Variants in NUDC observed in about 807,000 individuals in gnomAD.
NUDC encodes nuclear migration protein nudC.
NUDC carries 14 observed loss-of-function variants against 45.0 expected under a neutral mutation model. The ratio of observed to expected loss-of-function variants is 0.31; its 90% confidence interval spans 0.21 to 0.49. The LOEUF (loss-of-function observed/expected upper bound fraction) is 0.49, where lower values mean the gene tolerates loss of function less well. Among genes scored for constraint, NUDC ranks in the 20% least tolerant of loss-of-function variants. NUDC has a pLI of 0.99. For missense variants in NUDC, 323 were observed against 426.2 expected (o/e 0.76, Z 2.13); for synonymous variants, 153 against 156.7 (o/e 0.98, Z 0.17).
At chr1:26,935,227 G>T (rs1193190528) in intron 2 of NUDC, among the ~76,000 whole-genome samples, 2 of 148,502 alleles carry the variant, frequency 1.3e-5, no homozygotes, top group African/African-American at 5.0e-5. Flanking sequence ...GGTGTTCCGT[G>T]CCCCCTTGGC....
At chr1:26,908,437 C>T (rs904113648) in intron 2 of NUDC, among the ~76,000 whole-genome samples, 1 of 152,128 alleles carries the variant, frequency 6.6e-6, no homozygotes, top group Non-Finnish European at 1.5e-5. Context: ...TTGCTCAAGG[C>T]AAGGAAATAG....
chr1:26,918,306 G>A (rs1419245440), upstream of NUDC, among the ~76,000 whole-genome samples: 1 of 145,644 alleles, frequency 6.9e-6, no homozygotes, highest in African/African-American at 2.5e-5. Flanking sequence ...TTTTGAGACG[G>A]AGTCTCACTG....
chr1:26,909,284 T>C (rs1208675669), intron 2 of NUDC, among the ~76,000 whole-genome samples: 1 of 152,046 alleles, frequency 6.6e-6, no homozygotes, highest in Non-Finnish European at 1.5e-5. Flanking sequence ...CCCTAGCTAA[T>C]TTTATAATTT....
chr1:26,934,292 C>T (rs7545442), intron 2 of NUDC, among the ~76,000 whole-genome samples: 16,143 of 152,144 alleles, frequency 0.11, 1,159 homozygotes, highest in African/African-American at 0.21. Context: ...AAATGCCAGA[C>T]GCTAATAAAA....
In NUDC at chr1:26,900,519, A is replaced by C. The variant is rs1258925833; in HGVS notation, c.-101+119A>C. 5.6e-6 allele frequency: 7 copies of C among 1,251,326 alleles called. No individual in the cohort carries two copies. The East Asian group carries it at 1.7e-4, about 30-fold the overall frequency. 77.5% of individuals were successfully genotyped at this position (1,251,326 alleles called of 1,614,324 possible). On this transcript the variant is annotated intron_variant, in intron 1 of 6. Transcript: ENST00000435827. ...GCAACGTTCCAGCCCCTGCGTTGCG[A>C]GATTGTGAAAATTCTAACTAGTCCT...
intron 1 of NUDC, among the ~76,000 whole-genome samples, chr1:26,901,745 G>A (rs891272807): frequency 4.6e-5 from 7 of 152,082 alleles, no homozygotes; most frequent in African/African-American, 1.7e-4. Flanking sequence ...GATTACTATT[G>A]ATTCATTGAT....
At chr1:26,901,509 A>G (rs2081978811) in intron 1 of NUDC, among the ~76,000 whole-genome samples, 1 of 150,214 alleles carries the variant, frequency 6.7e-6, no homozygotes, top group Non-Finnish European at 1.5e-5. Flanking sequence ...GGTTCAAGCA[A>G]TTCTCCTGTC....
intron 3 of NUDC, chr1:26,911,542 A>AGTTCT (rs2082026436): frequency 2.8e-5 from 12 of 422,368 alleles, no homozygotes; most frequent in Non-Finnish European, 5.3e-5. Context: ...TTCTGTATAA[A>AGTTCT]GTCGATAGGA....
intron 2 of NUDC, among the ~76,000 whole-genome samples, chr1:26,932,598 C>G (rs1230579863): frequency 6.6e-6 from 1 of 152,064 alleles, no homozygotes; most frequent in East Asian, 1.9e-4. Flanking sequence ...TCTAGGATAA[C>G]AGATGTGAGC....
In NUDC at chr1:26,914,877, G is replaced by C. The variant is rs145696809; in HGVS notation, c.93+3642G>C. On this transcript the variant is annotated intron_variant, in intron 3 of 6. Coordinates refer to the NUDC transcript ENST00000435827. ...AGCTACTCTAGAGGCTAAGGCAAAAGAATCACTCGAAACTGGGAGGCAGAG... is the reference window on the plus strand; with the variant it reads ...AGCTACTCTAGAGGCTAAGGCAAAACAATCACTCGAAACTGGGAGGCAGAG... Among the ~76,000 whole-genome samples, 271 of 151,988 alleles carry C rather than the reference G, an allele frequency of 1.8e-3. 2 individuals carry two copies. The East Asian group carries it at 0.037, about 21-fold the overall frequency.
chr1:26,943,171 T>A, intron 6 of NUDC, 106 bp downstream of exon 6: 12 of 1,122,958 alleles, frequency 1.1e-5, no homozygotes, highest in Non-Finnish European at 1.4e-5. Flanking sequence ...TGGGATTATC[T>A]TAATCCCCAT....
rs377607226 is a variant in NUDC, at chr1:26,923,943, T to C, written c.82-146T>C. On this transcript the variant is annotated intron_variant, in intron 1 of 8. Coordinates refer to ENST00000321265, the MANE Select transcript of NUDC (RefSeq NM_006600.4). ...GGTGGAAGTGACTAAGAGAACCTGCTGGGGAGATAATCTCCTCAGTTGGGA... is the reference window on the plus strand; with the variant it reads ...GGTGGAAGTGACTAAGAGAACCTGCCGGGGAGATAATCTCCTCAGTTGGGA... 1.4e-5 allele frequency: 10 copies of C among 728,130 alleles called. No individual in the cohort carries two copies. In the African/African-American group the frequency reaches 1.4e-4, roughly 10 times the overall value. 45.1% of individuals were successfully genotyped at this position (728,130 alleles called of 1,614,324 possible).
At chr1:26,928,861 C>T (rs908750325) in intron 2 of NUDC, among the ~76,000 whole-genome samples, 15 of 152,160 alleles carry the variant, frequency 9.9e-5, no homozygotes, top group Non-Finnish European at 2.2e-4. Context: ...AACGTTATGG[C>T]GGTTTCTCAG....
chr1:26,920,333 C>CA (rs1034366018), upstream of NUDC, among the ~76,000 whole-genome samples: 18 of 150,890 alleles, frequency 1.2e-4, no homozygotes, highest in South Asian at 4.2e-4. Context: ...ACTAAAAATA[C>CA]AAAAAAAAAT....
At chr1:26,935,493 G>A (rs1217475011) in intron 2 of NUDC, among the ~76,000 whole-genome samples, 1 of 152,046 alleles carries the variant, frequency 6.6e-6, no homozygotes, top group East Asian at 1.9e-4. Flanking sequence ...TGGCAGGAAG[G>A]AGAAGTGCCA....
intron 2 of NUDC, among the ~76,000 whole-genome samples, chr1:26,902,782 C>T (rs534640540): frequency 4.6e-5 from 7 of 151,982 alleles, no homozygotes; most frequent in South Asian, 2.1e-4. Flanking sequence ...GGCGCAGTGG[C>T]TAATGCCTGT....
chr1:26,901,893 G>C (rs1229807387), intron 1 of NUDC, among the ~76,000 whole-genome samples: 1 of 152,094 alleles, frequency 6.6e-6, no homozygotes, highest in East Asian at 1.9e-4. Flanking sequence ...TGGCAAGCTG[G>C]TGTAGGAGGA....
At chr1:26,921,733 C>T (rs1341446022), upstream of NUDC, 13 of 1,166,596 alleles carry the variant, frequency 1.1e-5, no homozygotes, top group Admixed American at 2.0e-4. Flanking sequence ...TGCGTGTTTC[C>T]GGCTCCGCTG....
intron 2 of NUDC, among the ~76,000 whole-genome samples, chr1:26,908,024 C>T (rs904169636): frequency 6.6e-6 from 1 of 152,082 alleles, no homozygotes; most frequent in African/African-American, 2.4e-5. Context: ...ACTAAAAATA[C>T]AAAAATTAGC....
Sources: allele counts gnomAD v4.1 joint callset (sites outside exome capture counted in the v4.1 genomes callset), GRCh38; gene constraint gnomAD v4.1.1; transcripts MANE v1.5; gene names NCBI Gene and HGNC (gene_info 2026-07-23, HGNC 2026-07-21).